The following L3HYPDH variants were observed in gnomAD, a reference collection of about 807,000 sequenced individuals.
L3HYPDH encodes trans-3-hydroxy-L-proline dehydratase.
L3HYPDH carries 32 observed loss-of-function variants against 26.5 expected under a neutral mutation model. That is an observed-to-expected ratio of 1.21 (90% confidence interval 0.91 to 1.62). L3HYPDH has a LOEUF of 1.62. L3HYPDH is among the 40% of genes most tolerant of loss of function. The pLI, the probability that L3HYPDH is intolerant of heterozygous loss-of-function variation, is 0.00. For missense variants in L3HYPDH, 554 were observed against 476.4 expected (o/e 1.16, Z -1.52); for synonymous variants, 215 against 196.6 (o/e 1.09, Z -0.78).
intron 1 of L3HYPDH, among the ~76,000 whole-genome samples, chr14:59,466,818 A>G (rs1889195375): frequency 6.6e-6 from 1 of 152,118 alleles, no homozygotes; most frequent in Non-Finnish European, 1.5e-5. Flanking sequence ...CCATCTATAC[A>G]TTGTATGATG....
chr14:59,473,136 A>G (rs375108168), intron 4 of L3HYPDH, 46 bp from the exon 5 acceptor site: 18 of 1,529,128 alleles, frequency 1.2e-5, no homozygotes, highest in Non-Finnish European at 1.5e-5. Flanking sequence ...TTGCACTCGT[A>G]TTATATCTGG....
At chr14:59,484,815 C>T, upstream of L3HYPDH, 1 of 933,190 alleles carries the variant, frequency 1.1e-6, no homozygotes, top group African/African-American at 1.7e-5. Context: ...CGGCGAAATG[C>T]CAGGTCTTTG....
chr14:59,493,479 G>A, the L3HYPDH span, among the ~76,000 whole-genome samples: 1 of 152,116 alleles, frequency 6.6e-6, no homozygotes, highest in South Asian at 2.1e-4. Flanking sequence ...AATGATCAGT[G>A]GTTCTTGTTT....
At chr14:59,489,969 C>CT in the L3HYPDH span, among the ~76,000 whole-genome samples, 1 of 152,054 alleles carries the variant, frequency 6.6e-6, no homozygotes, top group African/African-American at 2.4e-5. Context: ...GTCACCTAGG[C>CT]TGTATTGCAG....
chr14:59,479,063 C>T, intron 2 of L3HYPDH, 119 bp downstream of exon 2: 1 of 775,680 alleles, frequency 1.3e-6, no homozygotes, highest in Non-Finnish European at 1.9e-6. Context: ...AATAAGTACC[C>T]TATTCTTAGT....
At chr14:59,488,899 CAA>C (rs1339547706), upstream of L3HYPDH, among the ~76,000 whole-genome samples, 3 of 152,210 alleles carry the variant, frequency 2.0e-5, no homozygotes, top group South Asian at 6.2e-4. Flanking sequence ...AACAACAAAA[CAA>C]AGAGTGCCCA....
Position 59,484,093 on chromosome 14 carries a change from A to C in L3HYPDH, c.224T>G (p.Met75Arg), listed in dbSNP as rs768173505. ...GCTCGGGACTAGGACCGCCCCGTAC[A>C]TGTCCCGGTGCCCTCGGGGCTCGAA... ...LMFEPRGHRD[M>R]YGAVLVPSEL... The change falls in exon 1 of 5, where the codon ATG (methionine) becomes AGG (arginine). Residue 75 changes from methionine (M) to arginine (R), a missense_variant. Met to Arg is a moderately conservative substitution (Grantham distance 91). Coordinates refer to ENST00000247194, the MANE Select transcript of L3HYPDH (RefSeq NM_144581.2). 35 of 1,606,290 alleles carry C rather than the reference A, an allele frequency of 2.2e-5. No individual in the cohort carries two copies. Among genetic ancestry groups the C allele is most frequent in the African/African-American group, 2.7e-5 (2 of 74,898 alleles).
At chr14:59,475,134 A>ATTTTTGTTGTTCCACAAAGT (rs1444428404) in intron 4 of L3HYPDH, 1 of 152,120 alleles carries the variant, frequency 6.6e-6, no homozygotes, top group Non-Finnish European at 1.5e-5. Flanking sequence ...CAAAAATTTG[A>ATTTTTGTTGTTCCACAAAGT]TGTTCCACAA....
At position 59,472,957 on chromosome 14, in the gene L3HYPDH, G is replaced by A. The variant is rs1188202100; in HGVS notation, c.*8C>T. 1.3e-6 allele frequency: 2 copies of A among 1,579,396 alleles called. No individual in the cohort carries two copies. Among genetic ancestry groups the A allele is most frequent in the South Asian group, 2.4e-5 (2 of 83,798 alleles). On this transcript the variant is annotated 3_prime_UTR_variant, in exon 5 of 5. Transcript: ENST00000247194. ...TTAAAAAGAAAGCCCTTAAAATCAT[G>A]GAAGAAGTCACTTGAGAAGAAATCC...
chr14:59,501,187 T>G, the L3HYPDH span: 3 of 1,559,600 alleles, frequency 1.9e-6, no homozygotes, highest in African/African-American at 2.7e-5. Context: ...TGCTTATCTT[T>G]CAGATTACGC....
the L3HYPDH span, chr14:59,495,085 C>A: frequency 5.0e-6 from 8 of 1,613,678 alleles, no homozygotes; most frequent in South Asian, 1.1e-5. Context: ...TATCACCTTA[C>A]TTGTGAGTGA....
At chr14:59,483,235 G>A (rs1381110978) in intron 1 of L3HYPDH, among the ~76,000 whole-genome samples, 2 of 152,176 alleles carry the variant, frequency 1.3e-5, no homozygotes, top group African/African-American at 2.4e-5. Context: ...CAGCTTTAGG[G>A]GGTTATCAGG....
At chr14:59,502,762 T>TGTTTTGTTTTTTTG in the L3HYPDH span, among the ~76,000 whole-genome samples, 4 of 133,616 alleles carry the variant, frequency 3.0e-5, no homozygotes, top group African/African-American at 5.7e-5. Flanking sequence ...TTTTTTTTTT[T>TGTTTTGTTTTTTTG]TTTTTTTTTT....
At chr14:59,479,040 A>G in intron 2 of L3HYPDH, 142 bp downstream of exon 2, 1 of 637,092 alleles carries the variant, frequency 1.6e-6, no homozygotes, top group South Asian at 3.2e-5. Flanking sequence ...CTTGCTCTAG[A>G]GCCTAAGATT....
At chr14:59,496,257 T>C in the L3HYPDH span, among the ~76,000 whole-genome samples, 1 of 150,678 alleles carries the variant, frequency 6.6e-6, no homozygotes, top group African/African-American at 2.4e-5. Flanking sequence ...TATATATATA[T>C]AGCTATAATT....
chr14:59,495,244 T>G, the L3HYPDH span: 39 of 1,500,640 alleles, frequency 2.6e-5, no homozygotes, highest in African/African-American at 3.0e-4. Flanking sequence ...TATTTCGACT[T>G]AAGATCATTG....
At chr14:59,485,155 A>C (rs2139847918), upstream of L3HYPDH, 2 of 1,592,632 alleles carry the variant, frequency 1.3e-6, no homozygotes, top group East Asian at 4.5e-5. Context: ...AGTTTATCAT[A>C]CTGGTTTTCA....
upstream of L3HYPDH, chr14:59,484,740 T>A (rs116224422): frequency 9.5e-4 from 1,033 of 1,088,442 alleles, 5 homozygotes; most frequent in African/African-American, 0.013. Context: ...CGGGCCGGGC[T>A]CCGCACTCCT....
upstream of L3HYPDH, chr14:59,484,639 C>T: frequency 1.9e-6 from 3 of 1,567,566 alleles, no homozygotes; most frequent in South Asian, 2.4e-5. Flanking sequence ...GTAGTCCCGA[C>T]TACTTTCCTA....
Sources: allele counts gnomAD v4.1 joint callset (sites outside exome capture counted in the v4.1 genomes callset), GRCh38; gene constraint gnomAD v4.1.1; transcripts MANE v1.5; gene names NCBI Gene and HGNC (gene_info 2026-07-23, HGNC 2026-07-21).